CASKIN2: variants seen among roughly 807,000 people sequenced by gnomAD.
CASKIN2 encodes the protein caskin-2.
A neutral mutation model predicts 107.1 loss-of-function variants in CASKIN2; 41 were observed. The ratio of observed to expected loss-of-function variants is 0.38; its 90% CI spans 0.30 to 0.50. CASKIN2 has a LOEUF of 0.50. Among genes scored for constraint, CASKIN2 ranks in the 20% least tolerant of loss-of-function variants. The pLI is 0.92. For synonymous variants in CASKIN2, 724 were observed against 705.6 expected, an observed-to-expected ratio of 1.03 and a Z score of -0.41; for missense variants, 1,546 against 1,657.4, an observed-to-expected ratio of 0.93 and a Z score of 1.17.
At position 75,502,159 on chromosome 17, in the gene CASKIN2, CG is replaced by C; in HGVS notation, c.2914del (p.Arg972GlufsTer148). ...QRPKPAGPPP[R>X]ETPVPPGLDF... ...GAGGCCGGGGGGCACGGGTGTCTCT[CG>C]GGGCGGGGGGCCAGCGGGCTTCGGG... On this transcript the variant is annotated frameshift_variant, in exon 18 of 20. Transcript: ENST00000321617. LOFTEE classifies it high-confidence loss of function. This position sits in a 1 kb window ranked among gnomAD's most constrained non-coding sequence, Gnocchi z 4.3. 6.2e-7 allele frequency: 1 copy of C among 1,600,790 alleles called. No individual in the cohort carries two copies.
chr17:75,506,825 G>C lies in CASKIN2; in HGVS notation c.460C>G (p.Leu154Val), dbSNP rs775597063. ...TTGAGTCGGCCAAATTCACAGGCCA[G>C]GTCCAGGGGCGTCTTCTTGGCCTTG... ...VNKAKKTPLD[L>V]ACEFGRLKVA... Residue 154 changes from leucine (L) to valine (V), a missense_variant, in exon 6 of 20, where the codon CTG becomes GTG. By Grantham distance (32) the Leu-to-Val change is conservative. Transcript: ENST00000321617. The surrounding 1 kb of genome is among the most constrained non-coding windows in gnomAD (Gnocchi z 4.8). 1 of 1,613,488 alleles carries C rather than the reference G, an allele frequency of 6.2e-7. No individual in the cohort carries two copies. Among genetic ancestry groups the C allele is most frequent in the Non-Finnish European group, 8.5e-7 (1 of 1,179,872 alleles).
In CASKIN2 at chr17:75,500,844, C is replaced by G. The variant is rs2053169860; in HGVS notation, c.*236G>C. 1 of 529,806 alleles carries G rather than the reference C, an allele frequency of 1.9e-6. No individual in the cohort carries two copies. Among genetic ancestry groups the G allele is most frequent in the Admixed American group, 3.2e-5 (1 of 31,220 alleles). The allele number at this position is 529,806 out of a possible 1,614,324, so 32.8% of individuals were successfully genotyped here. A position where few individuals can be genotyped will look rare whatever the true frequency, so the allele number is the denominator to read the frequency against. On this transcript the variant is annotated 3_prime_UTR_variant, in exon 20 of 20. Coordinates refer to ENST00000321617, the MANE Select transcript of CASKIN2 (RefSeq NM_020753.5). ...GCTGTCCTGCTCAATCGATCAAACC[C>G]TGGGAGGGGCTTTGCTGAGATGCAG...
rs1331377914 is a variant in CASKIN2 at position 75,503,438 on chromosome 17, C to T, written c.1770G>A (p.Val590=). The T allele has an allele frequency of 1.2e-6, 2 of 1,612,950 alleles. No homozygotes were observed. The highest frequency in any genetic ancestry group is 1.3e-5 in the African/African-American group (1 of 75,042). ...VSSGYDSMGL[V]ADLTWEELQE... ...GCAGCTCCTCCCAGGTGAGGTCGGC[C>T]ACCAGCCCCATGGAGTCGTAGCCGC... Residue 590 remains valine, a synonymous_variant, in exon 17 of 20, where the codon GTG becomes GTA. Transcript: ENST00000321617.
Position 75,501,593 on chromosome 17 carries a change from T to G in CASKIN2, c.3393A>C (p.Pro1131=). ...CCACAGTCCCAGTGCTCTCAGGCCG[T>G]GGAGGAGGCACTGGGCGGGGGCCGA... ...PRLGPRPVPP[P]RPESTGTVGP... is the part of the protein sequence containing the mutation. Residue 1131 remains proline, a synonymous_variant, in exon 19 of 20, where the codon CCA becomes CCC. Coordinates refer to ENST00000321617, the MANE Select transcript of CASKIN2 (RefSeq NM_020753.5). The G allele has an allele frequency of 6.2e-7, 1 of 1,607,832 alleles. No individual in the cohort carries two copies. Among genetic ancestry groups the G allele is most frequent in the Admixed American group, 1.7e-5 (1 of 59,898 alleles).
In CASKIN2 at chr17:75,501,910, G is replaced by A. The variant is rs774846710; in HGVS notation, c.3164C>T (p.Pro1055Leu). Residue 1055 changes from proline to leucine, a missense_variant, in exon 18 of 20, where the codon CCC (proline) becomes CTC (leucine). By Grantham distance (98) the Pro-to-Leu change is moderately conservative. Transcript: ENST00000321617. ...CACTGGAGGCTGCATGGCGGGGCTGGGAGCAAGGGGGGTTGGAACTCCTTG... is the reference window on the plus strand; with the variant it reads ...CACTGGAGGCTGCATGGCGGGGCTGAGAGCAAGGGGGGTTGGAACTCCTTG... ...PAQGVPTPLAPSPAMQPPVPP... is the reference protein window; with the variant it reads ...PAQGVPTPLALSPAMQPPVPP... 8.3e-6 allele frequency: 13 copies of A among 1,575,656 alleles called. No individual in the cohort carries two copies. In the African/African-American group the frequency reaches 1.3e-4, roughly 16 times the overall value.
chr17:75,509,588 C>T, intron 2 of CASKIN2: 2 of 985,730 alleles, frequency 2.0e-6, no homozygotes, highest in Middle Eastern at 5.2e-4. Context: ...CACAGACCTC[C>T]ATTTTCCTCC....
rs1199363217 is a variant in CASKIN2, at chr17:75,508,283, G to A, written c.97C>T (p.Leu33Phe). ...VAKVKATKTKLLGSTKRLNVN... is the reference protein window; with the variant it reads ...VAKVKATKTKFLGSTKRLNVN... The stretch of plus-strand genomic sequence containing the variant: ...TTGAGCCTCTTTGTGGAGCCCAGGA[G>A]CTCTAGGGGTCAGGATAGGAGGTGT... Residue 33 changes from leucine (L) to phenylalanine (F), a missense_variant and splice_region_variant, in exon 3 of 20, where the codon CTC becomes TTC. Leu to Phe is a conservative substitution (Grantham distance 22, BLOSUM62 0). Coordinates refer to ENST00000321617, the MANE Select transcript of CASKIN2 (RefSeq NM_020753.5). 4 of 1,613,508 alleles carry A rather than the reference G, an allele frequency of 2.5e-6. No individual in the cohort carries two copies. The highest frequency in any genetic ancestry group is 1.3e-5 in the African/African-American group (1 of 74,916).
At chr17:75,507,206 G>A in intron 4 of CASKIN2, 77 bp from the exon 5 acceptor site, 1 of 1,480,650 alleles carries the variant, frequency 6.8e-7, no homozygotes, top group Non-Finnish European at 9.0e-7. Context: ...AGAGTACGGA[G>A]CCAGCCCAGC....
chr17:75,501,510 A>G lies in CASKIN2; in HGVS notation c.3476T>C (p.Leu1159Pro), dbSNP rs1598461189. ...EQTSSSLAAA[L>P]RAAEKSIGTK... ...GCCAATGCTCTTCTCTGCGGCTCTCAGTGCAGCTGCCAGGGACGAGCTGGT... is the reference window on the plus strand; with the variant it reads ...GCCAATGCTCTTCTCTGCGGCTCTCGGTGCAGCTGCCAGGGACGAGCTGGT... The change falls in exon 19 of 20, where the codon CTG (leucine) becomes CCG (proline). Residue 1159 changes from leucine (L) to proline (P), a missense_variant. Around this residue, in one of 6 missense-constraint regions of CASKIN2, gnomAD observed 1,311 missense variants for 1,311.0 expected, o/e 1.00. Transcript: ENST00000321617. 6.2e-7 allele frequency: 1 copy of G among 1,611,936 alleles called. No individual in the cohort carries two copies. Among genetic ancestry groups the G allele is most frequent in the South Asian group, 1.1e-5 (1 of 91,052 alleles).
At position 75,504,631 on chromosome 17, in the gene CASKIN2, C is replaced by T. The variant is rs751437999; in HGVS notation, c.1255G>A (p.Gly419Arg). ...SVGSIRSAGS[G>R]QSSEGTNGHG... ...CCATTAGTGCCCTCAGAGCTCTGCC[C>T]GCTGCCGGCACTGCGGATGCTGCCC... The change falls in exon 12 of 20, where the codon GGG (glycine) becomes AGG (arginine). Residue 419 changes from glycine (G) to arginine (R), a missense_variant. Around this residue, in one of 6 missense-constraint regions of CASKIN2, gnomAD observed 1,311 missense variants for 1,311.0 expected, o/e 1.00. Coordinates refer to ENST00000321617, the MANE Select transcript of CASKIN2 (RefSeq NM_020753.5). 13 of 1,608,472 alleles carry T rather than the reference C, an allele frequency of 8.1e-6. No homozygotes were observed. The highest frequency in any genetic ancestry group is 1.3e-5 in the African/African-American group (1 of 74,852).
At position 75,503,686 on chromosome 17, in the gene CASKIN2, G is replaced by A. The variant is rs202060643; in HGVS notation, c.1653C>T (p.Ile551=). 73 of 1,612,340 alleles carry A rather than the reference G, an allele frequency of 4.5e-5. No individual in the cohort carries two copies. The East Asian group carries it at 1.1e-3, about 24-fold the overall frequency. ...KIASEIAQLS[I]AEWLPSYIPT... ...GGATGTAGCTGGGCAGCCACTCGGC[G>A]ATGCTGAGCTGAGCGATCTCTGAGG... is the stretch of plus-strand genomic sequence containing the variant. Residue 551 remains isoleucine, a synonymous_variant, in exon 16 of 20, where the codon ATC becomes ATT. Coordinates refer to ENST00000321617, the MANE Select transcript of CASKIN2 (RefSeq NM_020753.5).
chr17:75,508,376 T>G, intron 2 of CASKIN2, 91 bp from the exon 3 acceptor site: 2 of 1,433,518 alleles, frequency 1.4e-6, no homozygotes, highest in Non-Finnish European at 1.9e-6. Context: ...GGCTGACCTC[T>G]TGGCGTGCAG....
intron 16 of CASKIN2, 39 bp from the exon 17 acceptor site, chr17:75,503,566 C>A: frequency 6.2e-7 from 1 of 1,603,208 alleles, no homozygotes. Flanking sequence ...CCCAGCCAGC[C>A]TCCGCCCCCA....
At position 75,503,484 on chromosome 17, in the gene CASKIN2, T is replaced by TA; in HGVS notation, c.1723dup (p.Tyr575LeufsTer112). On this transcript the variant is annotated frameshift_variant, in exon 17 of 20. Transcript: ENST00000321617. LOFTEE classifies it high-confidence loss of function. The stretch of plus-strand genomic sequence containing the variant: ...GCCGCTGCTCACCAGCTGCTTGTGG[T>TA]ACTGTGGCAGCCCCAGTGCACACAG... The TA allele has an allele frequency of 6.2e-7, 1 of 1,612,432 alleles. No homozygotes were observed.
At position 75,506,041 on chromosome 17, in the gene CASKIN2, A is replaced by T; in HGVS notation, c.727-112T>A. The stretch of plus-strand genomic sequence containing the variant: ...TTACCATTTTCCGATTTTACAGATG[A>T]GGACATAGAGGCTCAGGGACTCAGT... On this transcript the variant is annotated intron_variant, in intron 8 of 19. Transcript: ENST00000321617. This position sits in a 1 kb window ranked among gnomAD's most constrained non-coding sequence, Gnocchi z 4.8. 1.1e-6 allele frequency: 1 copy of T among 881,676 alleles called. No individual in the cohort carries two copies. Among genetic ancestry groups the T allele is most frequent in the Non-Finnish European group, 1.8e-6 (1 of 569,790 alleles). The allele number at this position is 881,676 out of a possible 1,614,324, so 54.6% of individuals were successfully genotyped here. A position where few individuals can be genotyped will look rare whatever the true frequency, so the allele number is the denominator to read the frequency against.
rs1447372891 is a variant in CASKIN2 at position 75,506,682 on chromosome 17, C to T, written c.518G>A (p.Cys173Tyr). ...GGCCTCACCCTCCAGCAGTGCCACA[C>T]ATAAGTGGCTGTTCAGAAGCAGCTG... is the stretch of plus-strand genomic sequence containing the variant. The part of the protein sequence containing the change: ...VAQLLLNSHL[C>Y]VALLEGEAKD... The change falls in exon 7 of 20, where the codon TGT becomes TAT. Residue 173 changes from cysteine to tyrosine, a missense_variant. Coordinates refer to ENST00000321617, the MANE Select transcript of CASKIN2 (RefSeq NM_020753.5). This position sits in a 1 kb window ranked among gnomAD's most constrained non-coding sequence, Gnocchi z 4.8. 6.2e-7 allele frequency: 1 copy of T among 1,613,528 alleles called. No individual in the cohort carries two copies. Among genetic ancestry groups the T allele is most frequent in the Non-Finnish European group, 8.5e-7 (1 of 1,179,998 alleles).
intron 2 of CASKIN2, among the ~76,000 whole-genome samples, chr17:75,510,756 C>A (rs145171938): frequency 6.9e-6 from 1 of 145,224 alleles, no homozygotes; most frequent in Non-Finnish European, 1.5e-5. Context: ...ATGCCCAGAT[C>A]ATTTCTTAAT....
chr17:75,505,454 C>T lies in CASKIN2; in HGVS notation c.930+103G>A. 9.8e-7 allele frequency: 1 copy of T among 1,020,810 alleles called. No homozygotes were observed. Among genetic ancestry groups the T allele is most frequent in the South Asian group, 1.3e-5 (1 of 76,496 alleles). 63.2% of individuals were successfully genotyped at this position (1,020,810 alleles called of 1,614,324 possible). A position where few individuals can be genotyped will look rare whatever the true frequency, so the allele number is the denominator to read the frequency against. On this transcript the variant is annotated intron_variant, in intron 10 of 19. Coordinates refer to ENST00000321617, the MANE Select transcript of CASKIN2 (RefSeq NM_020753.5). This position sits in a 1 kb window ranked among gnomAD's most constrained non-coding sequence, Gnocchi z 5.1. Reference sequence around the variant, plus strand: ...CTTTAAGAAGAATTAAATGAGGGTGCATATAGAGACCTCAGAGCAGAACGT... The same window carrying T: ...CTTTAAGAAGAATTAAATGAGGGTGTATATAGAGACCTCAGAGCAGAACGT...
intron 2 of CASKIN2, among the ~76,000 whole-genome samples, chr17:75,510,474 T>A (rs2053307461): frequency 6.6e-6 from 1 of 152,166 alleles, no homozygotes; most frequent in Non-Finnish European, 1.5e-5. Context: ...GTCCCCAGCC[T>A]CACTTCTGAG....
Sources: gnomAD v4.1 joint callset for allele counts (sites outside exome capture counted in the v4.1 genomes callset) on GRCh38, gnomAD v4.1.1 for gene constraint, gnomAD v4.1.1 regional missense constraint, Gnocchi (gnomAD v3.1) non-coding constraint, MANE v1.5 for transcripts, NCBI Gene and HGNC (gene_info 2026-07-23, HGNC 2026-07-21) for gene names.